The following FHIT variants were observed in gnomAD, a reference collection of about 807,000 sequenced individuals.
The protein encoded by FHIT is bis(5'-adenosyl)-triphosphatase.
A neutral mutation model predicts 17.9 loss-of-function variants in FHIT; 19 were observed. The observed-to-expected ratio is 1.06, with a 90% CI of 0.74 to 1.56. The LOEUF is 1.56. FHIT is among the 40% of genes most tolerant of loss of function. The pLI is 0.00. For missense variants in FHIT, 248 were observed against 189.2 expected (o/e 1.31, Z -1.82); for synonymous variants, 81 against 69.7 (o/e 1.16, Z -0.81).
intron 5 of FHIT, among the ~76,000 whole-genome samples, chr3:60,209,316 C>T (rs552884100): frequency 1.8e-4 from 28 of 152,270 alleles, no homozygotes; most frequent in Non-Finnish European, 3.1e-4. Flanking sequence ...AGCTATATTA[C>T]GTCTAGGCAC....
intron 5 of FHIT, among the ~76,000 whole-genome samples, chr3:60,320,934 A>T (rs531915916): frequency 1.3e-5 from 2 of 152,254 alleles, no homozygotes; most frequent in Non-Finnish European, 1.5e-5. Context: ...TTTATTAAAT[A>T]AAACATGTTC....
chr3:60,066,732 C>T (rs1702528945), intron 5 of FHIT, among the ~76,000 whole-genome samples: 1 of 140,886 alleles, frequency 7.1e-6, no homozygotes, highest in African/African-American at 2.6e-5. Flanking sequence ...TCTCGGCTCA[C>T]TGCAAGCTCC....
chr3:60,908,332 A>G (rs1214040984), intron 3 of FHIT, among the ~76,000 whole-genome samples: 4 of 152,246 alleles, frequency 2.6e-5, no homozygotes, highest in Non-Finnish European at 5.9e-5. Flanking sequence ...TCAAAGAAAA[A>G]AGAACAAAAG....
intron 3 of FHIT, among the ~76,000 whole-genome samples, chr3:61,020,839 A>G (rs1350487820): frequency 6.6e-6 from 1 of 152,174 alleles, no homozygotes; most frequent in Non-Finnish European, 1.5e-5. Context: ...ATGGTAGAAT[A>G]TTTACCAAGT....
chr3:60,503,388 T>A (rs1178750101), intron 5 of FHIT, among the ~76,000 whole-genome samples: 1 of 152,178 alleles, frequency 6.6e-6, no homozygotes, highest in African/African-American at 2.4e-5. Context: ...ATCATAACAT[T>A]TACATAATTT....
chr3:60,668,209 T>A (rs1337707192), intron 4 of FHIT, among the ~76,000 whole-genome samples: 1 of 151,492 alleles, frequency 6.6e-6, no homozygotes, highest in Non-Finnish European at 1.5e-5. Context: ...GTGTTCTGCC[T>A]GCCCACTTCA....
At chr3:59,950,652 GCT>G (rs1174103633) in intron 7 of FHIT, among the ~76,000 whole-genome samples, 2 of 152,028 alleles carry the variant, frequency 1.3e-5, no homozygotes, top group Admixed American at 6.6e-5. Context: ...AAACTCAATG[GCT>G]CTGTCTTACT....
intron 3 of FHIT, among the ~76,000 whole-genome samples, chr3:60,847,567 A>G (rs183351220): frequency 6.6e-6 from 1 of 152,288 alleles, no homozygotes; most frequent in Non-Finnish European, 1.5e-5. Flanking sequence ...CAACTCTCCC[A>G]GGAAAGCACA....
chr3:60,618,404 A>T (rs782140405), intron 4 of FHIT, among the ~76,000 whole-genome samples: 2 of 152,110 alleles, frequency 1.3e-5, no homozygotes, highest in African/African-American at 2.4e-5. Flanking sequence ...CCCAGCATCC[A>T]TTAGTTACTC....
chr3:60,569,378 G>C (rs1559547172), intron 4 of FHIT, among the ~76,000 whole-genome samples: 1 of 151,902 alleles, frequency 6.6e-6, no homozygotes, highest in Non-Finnish European at 1.5e-5. Flanking sequence ...TTCCCAAAGA[G>C]GCTAACTCCT....
At chr3:60,443,189 T>C (rs1169357600) in intron 5 of FHIT, among the ~76,000 whole-genome samples, 1 of 152,172 alleles carries the variant, frequency 6.6e-6, no homozygotes, top group Non-Finnish European at 1.5e-5. Flanking sequence ...ACGATGGGGT[T>C]TTCTAGATAT....
At chr3:60,110,172 T>C (rs1159447880) in intron 5 of FHIT, among the ~76,000 whole-genome samples, 1 of 152,164 alleles carries the variant, frequency 6.6e-6, no homozygotes, top group Non-Finnish European at 1.5e-5. Context: ...GCTACCTCCA[T>C]AGAATGATAA....
At chr3:61,191,540 T>A (rs1210385725) in intron 2 of FHIT, among the ~76,000 whole-genome samples, 1 of 152,118 alleles carries the variant, frequency 6.6e-6, no homozygotes, top group African/African-American at 2.4e-5. Flanking sequence ...TAAATAACCT[T>A]TTGGTTCTGT....
At chr3:60,920,892 A>C (rs1707248639) in intron 3 of FHIT, among the ~76,000 whole-genome samples, 1 of 152,184 alleles carries the variant, frequency 6.6e-6, no homozygotes, top group African/African-American at 2.4e-5. Flanking sequence ...TGAGTTAAGG[A>C]CTGAACAAGA....
intron 3 of FHIT, among the ~76,000 whole-genome samples, chr3:60,860,260 T>C (rs1553751200): frequency 7.0e-6 from 1 of 143,692 alleles, no homozygotes; most frequent in Non-Finnish European, 1.5e-5. Context: ...AGATACATCA[T>C]ATGTATACAT....
At chr3:59,849,549 C>T (rs1276856703) in intron 8 of FHIT, among the ~76,000 whole-genome samples, 4 of 152,148 alleles carry the variant, frequency 2.6e-5, no homozygotes, top group Admixed American at 6.5e-5. Flanking sequence ...TATATACAGC[C>T]TCCAACCCAC....
At chr3:60,031,293 C>T (rs1228246383) in intron 5 of FHIT, among the ~76,000 whole-genome samples, 2 of 152,156 alleles carry the variant, frequency 1.3e-5, no homozygotes, top group Non-Finnish European at 2.9e-5. Context: ...CAGCCTATAG[C>T]ACATTCACAA....
At chr3:60,012,337 C>T (rs1339451903) in intron 6 of FHIT, among the ~76,000 whole-genome samples, 7 of 138,994 alleles carry the variant, frequency 5.0e-5, no homozygotes, top group East Asian at 2.2e-4. Flanking sequence ...GGCATGATGG[C>T]GGCTCACTGC....
intron 5 of FHIT, among the ~76,000 whole-genome samples, chr3:60,468,883 G>A (rs573425644): frequency 2.0e-5 from 3 of 152,088 alleles, no homozygotes; most frequent in African/African-American, 7.2e-5. Flanking sequence ...TTGTTTGTCT[G>A]GGAAAGTCTT....
Sources: gnomAD v4.1 joint callset for allele counts (sites outside exome capture counted in the v4.1 genomes callset) on GRCh38, gnomAD v4.1.1 for gene constraint, MANE v1.5 for transcripts, NCBI Gene and HGNC (gene_info 2026-07-23, HGNC 2026-07-21) for gene names.